The following SGCD variants were observed in gnomAD, a reference collection of about 807,000 sequenced individuals.
SGCD encodes the protein delta-sarcoglycan.
Under a neutral mutation model 36.6 loss-of-function variants are expected in SGCD, and 18 were observed. The observed-to-expected ratio is 0.49, with a 90% confidence interval of 0.34 to 0.73. The LOEUF is 0.73. SGCD is among the 30% of genes least tolerant of loss of function. The pLI is 0.01. For synonymous variants in SGCD, 133 were observed against 130.6 expected, an observed-to-expected ratio of 1.02 and a Z score of -0.12; for missense variants, 387 against 346.7, an observed-to-expected ratio of 1.12 and a Z score of -0.92.
At chr5:155,747,771 G>A in the SGCD span, among the ~76,000 whole-genome samples, 1 of 152,068 alleles carries the variant, frequency 6.6e-6, no homozygotes, top group Non-Finnish European at 1.5e-5. Flanking sequence ...AGCTCCTGAT[G>A]CTCCTCCCCC....
At chr5:156,534,599 A>G (rs910010882) in intron 4 of SGCD, among the ~76,000 whole-genome samples, 2 of 152,214 alleles carry the variant, frequency 1.3e-5, no homozygotes, top group African/African-American at 4.8e-5. Context: ...GAAGACTTGC[A>G]TCAAGGTGCT....
At chr5:156,193,039 T>C (rs1039529330) in intron 3 of SGCD, among the ~76,000 whole-genome samples, 2 of 151,960 alleles carry the variant, frequency 1.3e-5, no homozygotes, top group African/African-American at 4.8e-5. Context: ...CGAAATATTA[T>C]TTTAATTGTT....
At chr5:156,419,233 A>G (rs1279537730) in intron 3 of SGCD, among the ~76,000 whole-genome samples, 1 of 152,166 alleles carries the variant, frequency 6.6e-6, no homozygotes, top group South Asian at 2.1e-4. Flanking sequence ...AACAATATCA[A>G]TCACCTGCCC....
At chr5:156,145,933 G>A (rs1164971048) in intron 3 of SGCD, among the ~76,000 whole-genome samples, 2 of 152,198 alleles carry the variant, frequency 1.3e-5, no homozygotes, top group African/African-American at 4.8e-5. Context: ...GGGATTTGAG[G>A]CCAGGCGTGG....
chr5:156,091,903 C>A (rs1761253730), intron 1 of SGCD, among the ~76,000 whole-genome samples: 1 of 152,206 alleles, frequency 6.6e-6, no homozygotes. Context: ...GGGGGCCACC[C>A]CTTGGTTGTT....
chr5:156,320,490 T>C (rs1767629043), intron 3 of SGCD, among the ~76,000 whole-genome samples: 1 of 152,196 alleles, frequency 6.6e-6, no homozygotes, highest in African/African-American at 2.4e-5. Flanking sequence ...AAAGAATTGG[T>C]CAGTGTTTTT....
chr5:156,303,482 T>G (rs1767113052), intron 3 of SGCD, among the ~76,000 whole-genome samples: 1 of 151,956 alleles, frequency 6.6e-6, no homozygotes, highest in South Asian at 2.1e-4. Context: ...CTGTGGCTAA[T>G]CTGGTTCCCA....
intron 1 of SGCD, among the ~76,000 whole-genome samples, chr5:155,924,491 G>A (rs912064747): frequency 6.6e-6 from 1 of 152,188 alleles, no homozygotes; most frequent in African/African-American, 2.4e-5. Flanking sequence ...CCCAGAGATG[G>A]TCTTCGATCT....
intron 1 of SGCD, among the ~76,000 whole-genome samples, chr5:156,084,082 CA>C (rs1288038890): frequency 1.3e-5 from 2 of 152,114 alleles, no homozygotes; most frequent in Non-Finnish European, 2.9e-5. Context: ...TAGTCAAGAA[CA>C]TATGTCTTTT....
chr5:156,275,642 G>A (rs1766299413), intron 3 of SGCD, among the ~76,000 whole-genome samples: 1 of 152,122 alleles, frequency 6.6e-6, no homozygotes, highest in Non-Finnish European at 1.5e-5. Flanking sequence ...TAAGTTCTGG[G>A]ATGAAAGGGA....
intron 1 of SGCD, among the ~76,000 whole-genome samples, chr5:156,056,163 C>G (rs1216510782): frequency 2.1e-5 from 3 of 145,802 alleles, no homozygotes; most frequent in African/African-American, 7.4e-5. Flanking sequence ...AGAGATCTGA[C>G]CTAACTGACT....
intron 1 of SGCD, among the ~76,000 whole-genome samples, chr5:156,054,284 CTT>C (rs70981996): frequency 0.013 from 1,008 of 80,400 alleles, 45 homozygotes; most frequent in East Asian, 0.031. Flanking sequence ...AACTTTCCTT[CTT>C]TTTTTTTTTT....
intron 3 of SGCD, among the ~76,000 whole-genome samples, chr5:156,127,853 G>A (rs1252748905): frequency 5.2e-4 from 3 of 5,762 alleles, no homozygotes; most frequent in Non-Finnish European, 5.9e-4. Flanking sequence ...AAACATAAAT[G>A]CAAAAAAAAA....
intron 1 of SGCD, among the ~76,000 whole-genome samples, chr5:155,930,869 A>G (rs920305761): frequency 6.6e-6 from 1 of 152,220 alleles, no homozygotes; most frequent in South Asian, 2.1e-4. Flanking sequence ...TGACTTTATG[A>G]TGAAAGGTCA....
At chr5:156,488,840 C>T (rs55956217) in intron 3 of SGCD, among the ~76,000 whole-genome samples, 2,632 of 152,172 alleles carry the variant, frequency 0.017, 79 homozygotes, top group African/African-American at 0.061. Flanking sequence ...TATCCAAAGC[C>T]AGAAAGCAAC....
chr5:156,399,045 T>C (rs1772007221), intron 3 of SGCD, among the ~76,000 whole-genome samples: 1 of 152,230 alleles, frequency 6.6e-6, no homozygotes, highest in East Asian at 1.9e-4. Flanking sequence ...TATGCTCCAT[T>C]GTATATGAGT....
At chr5:156,120,522 T>C (rs1159199010) in intron 2 of SGCD, among the ~76,000 whole-genome samples, 1 of 152,194 alleles carries the variant, frequency 6.6e-6, no homozygotes, top group East Asian at 1.9e-4. Context: ...TCCTCTACCA[T>C]ATCCCCAGTC....
the SGCD span, among the ~76,000 whole-genome samples, chr5:155,785,392 C>T: frequency 6.6e-6 from 1 of 152,082 alleles, no homozygotes; most frequent in African/African-American, 2.4e-5. Flanking sequence ...TTAGCCTATC[C>T]ATCACCTCAA....
At chr5:156,295,173 T>A (rs1221186977) in intron 3 of SGCD, among the ~76,000 whole-genome samples, 1 of 152,200 alleles carries the variant, frequency 6.6e-6, no homozygotes, top group East Asian at 1.9e-4. Context: ...TCTATTCAGA[T>A]TTTCTATTTC....
Sources: gnomAD v4.1 joint callset for allele counts (sites outside exome capture counted in the v4.1 genomes callset) on GRCh38, gnomAD v4.1.1 for gene constraint, MANE v1.5 for transcripts, NCBI Gene and HGNC (gene_info 2026-07-23, HGNC 2026-07-21) for gene names.